The following ARHGAP10 variants were observed in gnomAD, a reference collection of about 807,000 sequenced individuals.
ARHGAP10 encodes the protein Rho GTPase activating protein 10.
ARHGAP10 carries 87 observed loss-of-function variants against 108.6 expected under a neutral mutation model. The observed-to-expected ratio is 0.80, with a 90% CI of 0.67 to 0.96. ARHGAP10 has a LOEUF of 0.96. Ranked by LOEUF, ARHGAP10 falls within the 40% of genes least tolerant of loss-of-function variation. The pLI, the probability that ARHGAP10 is intolerant of heterozygous loss-of-function variation, is 0.00. For synonymous variants in ARHGAP10, 347 were observed against 341.1 expected (o/e 1.02, Z -0.19); for missense variants, 939 against 954.5 (o/e 0.98, Z 0.21).
chr4:147,867,009 T>A (rs1734594266), intron 7 of ARHGAP10, among the ~76,000 whole-genome samples, 193 bp downstream of exon 7: 1 of 152,182 alleles, frequency 6.6e-6, no homozygotes, highest in Non-Finnish European at 1.5e-5. Context: ...CTTGGGAAAT[T>A]CTGCCACCTG....
intron 1 of ARHGAP10, among the ~76,000 whole-genome samples, chr4:147,757,507 G>A (rs761306789): frequency 6.6e-6 from 1 of 152,138 alleles, no homozygotes; most frequent in South Asian, 2.1e-4. Flanking sequence ...GGGCAGTGTA[G>A]CTTTGAGAGA....
At chr4:148,040,440 C>G (rs1728582188) in intron 19 of ARHGAP10, among the ~76,000 whole-genome samples, 2 of 152,200 alleles carry the variant, frequency 1.3e-5, no homozygotes, top group Non-Finnish European at 2.9e-5. Context: ...CTCCTGGGTT[C>G]AAGCGATTCT....
chr4:147,846,889 C>G (rs1733657498), intron 3 of ARHGAP10, among the ~76,000 whole-genome samples: 1 of 152,170 alleles, frequency 6.6e-6, no homozygotes, highest in African/African-American at 2.4e-5. Context: ...AGCCGTCTTG[C>G]TGTTTTGTGG....
At chr4:148,017,958 A>G (rs1445633847) in intron 18 of ARHGAP10, among the ~76,000 whole-genome samples, 1 of 152,024 alleles carries the variant, frequency 6.6e-6, no homozygotes, top group Non-Finnish European at 1.5e-5. Flanking sequence ...ATGAGCATAA[A>G]CATCCATTGT....
Position 148,064,519 on chromosome 4 carries a change from T to C in ARHGAP10, c.2272+12T>C. ...AATTTTTGAGGATGGTAAGTGTTAG[T>C]GGGAGCTTCGTCTGTTAATCCTGTC... On this transcript the variant is annotated intron_variant, in intron 22 of 22. Coordinates refer to ENST00000336498, the MANE Select transcript of ARHGAP10 (RefSeq NM_024605.4). 1 of 1,610,592 alleles carries C rather than the reference T, an allele frequency of 6.2e-7. No individual in the cohort carries two copies. Among genetic ancestry groups the C allele is most frequent in the Non-Finnish European group, 8.5e-7 (1 of 1,176,802 alleles).
chr4:147,908,766 T>A (rs1736609248), intron 11 of ARHGAP10, among the ~76,000 whole-genome samples: 1 of 152,196 alleles, frequency 6.6e-6, no homozygotes, highest in Non-Finnish European at 1.5e-5. Flanking sequence ...TCCTTATCAC[T>A]CCATAGCTGT....
At chr4:147,908,359 G>A (rs933773029) in intron 11 of ARHGAP10, among the ~76,000 whole-genome samples, 1 of 152,154 alleles carries the variant, frequency 6.6e-6, no homozygotes, top group Admixed American at 6.6e-5. Context: ...ACTTTGGAAA[G>A]TCAGTTTGCG....
intron 18 of ARHGAP10, among the ~76,000 whole-genome samples, chr4:148,012,192 A>G (rs938214307): frequency 9.9e-5 from 15 of 152,146 alleles, no homozygotes; most frequent in Admixed American, 6.5e-4. Context: ...TTCATTTATT[A>G]TGATTGCAAA....
chr4:147,990,868 G>A (rs1317144956), intron 18 of ARHGAP10, among the ~76,000 whole-genome samples: 2 of 151,860 alleles, frequency 1.3e-5, no homozygotes, highest in African/African-American at 2.4e-5. Flanking sequence ...ACAGAAAAAC[G>A]GGCCTGGTGT....
intron 19 of ARHGAP10, among the ~76,000 whole-genome samples, chr4:148,033,236 T>C (rs567418890): frequency 1.3e-5 from 2 of 152,364 alleles, no homozygotes; most frequent in South Asian, 2.1e-4. Flanking sequence ...TTCTATTGTA[T>C]GGATGTACTT....
At chr4:147,817,324 C>T (rs988512395) in intron 1 of ARHGAP10, among the ~76,000 whole-genome samples, 3 of 152,100 alleles carry the variant, frequency 2.0e-5, no homozygotes, top group Non-Finnish European at 4.4e-5. Context: ...CCTAGATGGG[C>T]AGTCAAGGTA....
At chr4:148,069,913 G>A (rs1282520256) in intron 22 of ARHGAP10, among the ~76,000 whole-genome samples, 3 of 152,194 alleles carry the variant, frequency 2.0e-5, no homozygotes, top group African/African-American at 4.8e-5. Context: ...GCCAGCTGGG[G>A]TGTTTGGATG....
At position 148,029,921 on chromosome 4, in the gene ARHGAP10, G is replaced by A. The variant is rs967434287; in HGVS notation, c.1867+6508G>A. 2.0e-5 allele frequency among the ~76,000 whole-genome samples: 3 copies of A among 152,132 alleles called. No homozygotes were observed. The East Asian group carries it at 5.8e-4, about 29-fold the overall frequency. On this transcript the variant is annotated intron_variant, in intron 19 of 22. Coordinates refer to ENST00000336498, the MANE Select transcript of ARHGAP10 (RefSeq NM_024605.4). Reference sequence around the variant, plus strand: ...GATTCAGGGCTGTAATTGAGTTGTGGCGTGCCTAGAAATTATGTGGGATGC... The same window carrying A: ...GATTCAGGGCTGTAATTGAGTTGTGACGTGCCTAGAAATTATGTGGGATGC...
chr4:148,043,586 C>G (rs1728725249), intron 19 of ARHGAP10, among the ~76,000 whole-genome samples: 1 of 124,728 alleles, frequency 8.0e-6, no homozygotes, highest in African/African-American at 3.0e-5. Flanking sequence ...CGAGACCAAG[C>G]TGGACAACAT....
At chr4:147,799,977 C>G (rs1731510585) in intron 1 of ARHGAP10, among the ~76,000 whole-genome samples, 1 of 152,104 alleles carries the variant, frequency 6.6e-6, no homozygotes, top group Non-Finnish European at 1.5e-5. Flanking sequence ...CAGGCAGCCA[C>G]CCAGTTAGTC....
At chr4:147,811,743 G>T (rs1194037654) in intron 1 of ARHGAP10, among the ~76,000 whole-genome samples, 1 of 152,196 alleles carries the variant, frequency 6.6e-6, no homozygotes, top group Non-Finnish European at 1.5e-5. Context: ...TCTGTAACCT[G>T]CTTGCAGATT....
chr4:148,030,137 A>C (rs1002163866), intron 19 of ARHGAP10, among the ~76,000 whole-genome samples: 2 of 152,114 alleles, frequency 1.3e-5, no homozygotes, highest in Non-Finnish European at 2.9e-5. Context: ...AGCTTATTTA[A>C]TGCCTTTAAA....
intron 1 of ARHGAP10, among the ~76,000 whole-genome samples, chr4:147,820,172 G>T (rs1266862958): frequency 6.6e-6 from 1 of 152,140 alleles, no homozygotes; most frequent in Non-Finnish European, 1.5e-5. Flanking sequence ...GCAAGTAAAG[G>T]GTTTTCAAAC....
rs4463051 is a variant in ARHGAP10, at chr4:147,866,772, G to A, written c.658G>A (p.Asp220Asn). 1 of 1,613,854 alleles carries A rather than the reference G, an allele frequency of 6.2e-7. No homozygotes were observed. Among genetic ancestry groups the A allele is most frequent in the Non-Finnish European group, 8.5e-7 (1 of 1,179,822 alleles). The stretch of plus-strand genomic sequence containing the variant: ...TCATCAGGGCCATGAACTTGCCAAA[G>A]ACTTCAATCACTACAAAATGGAACT... The part of the protein sequence containing the change: ...FYHQGHELAK[D>N]FNHYKMELQI... Residue 220 changes from aspartate (D) to asparagine (N), a missense_variant, in exon 7 of 23, where the codon GAC becomes AAC. By Grantham distance (23) the Asp-to-Asn change is conservative. Transcript: ENST00000336498.
Sources: gnomAD v4.1 joint callset for allele counts (sites outside exome capture counted in the v4.1 genomes callset) on GRCh38, gnomAD v4.1.1 for gene constraint, MANE v1.5 for transcripts, NCBI Gene and HGNC (gene_info 2026-07-23, HGNC 2026-07-21) for gene names.